Variants in ZNF775 observed in about 807,000 individuals in gnomAD.
ZNF775 encodes the protein zinc finger protein 775.
In ZNF775, 1 loss-of-function variant was observed where a neutral mutation model predicts 2.4. The observed-to-expected ratio is 0.41, with a 90% confidence interval of 0.15 to 1.94. ZNF775 has a LOEUF of 1.94. Ranked by LOEUF, ZNF775 falls within the 30% of genes most tolerant of loss-of-function variation. The pLI is 0.30. For missense variants in ZNF775, 823 were observed against 826.6 expected, an observed-to-expected ratio of 1.00 and a Z score of 0.05; for synonymous variants, 381 against 373.3, an observed-to-expected ratio of 1.02 and a Z score of -0.24.
Position 150,382,192 on chromosome 7 carries a change from G to A in ZNF775, c.-50+2800G>A, listed in dbSNP as rs1225562932. Reference sequence around the variant, plus strand: ...GTGGAGGCTCCTGTGTGGCGCTGGGGGCCTCTGAGATTCCCAACTGGCTGG... The same window carrying A: ...GTGGAGGCTCCTGTGTGGCGCTGGGAGCCTCTGAGATTCCCAACTGGCTGG... On this transcript the variant is annotated intron_variant, in intron 1 of 2. Transcript: ENST00000329630. This position sits in a 1 kb window ranked among gnomAD's most constrained non-coding sequence, Gnocchi z 4.6. Among the ~76,000 whole-genome samples, 3 of 152,164 alleles carry A rather than the reference G, an allele frequency of 2.0e-5. No homozygotes were observed. The highest frequency in any genetic ancestry group is 4.4e-5 in the Non-Finnish European group (3 of 68,030).
Position 150,391,280 on chromosome 7 carries a change from G to T in ZNF775, c.31+2779G>T, listed in dbSNP as rs543377455. ...CCCAGCACTTTGGGAGGCCCAGTTC[G>T]GTGGATCACCTGAGGTCAGGAGTTT... On this transcript the variant is annotated intron_variant, in intron 2 of 2. Transcript: ENST00000329630. Among the ~76,000 whole-genome samples, 4 of 152,282 alleles carry T rather than the reference G, an allele frequency of 2.6e-5. No individual in the cohort carries two copies. In the East Asian group the frequency reaches 7.7e-4, roughly 29 times the overall value.
chr7:150,396,928 C>A lies in ZNF775; in HGVS notation c.447C>A (p.Asn149Lys). The A allele has an allele frequency of 3.7e-6, 6 of 1,601,770 alleles. No homozygotes were observed. The highest frequency in any genetic ancestry group is 4.2e-6 in the Non-Finnish European group (5 of 1,179,654). The change falls in exon 3 of 3, where the codon AAC (asparagine) becomes AAA (lysine). Residue 149 changes from asparagine to lysine, a missense_variant. Coordinates refer to ENST00000329630, the MANE Select transcript of ZNF775 (RefSeq NM_173680.4). ...GCAAGAGCTTCAGCCAGAAGCCGAA[C>A]CTGGCGCGCCACCAGCGGCACCACA... The part of the protein sequence containing the change: ...KCGKSFSQKP[N>K]LARHQRHHTG...
Position 150,388,504 on chromosome 7 carries a change from A to C in ZNF775, c.31+3A>C. 1 of 1,551,770 alleles carries C rather than the reference A, an allele frequency of 6.4e-7. No homozygotes were observed. Among genetic ancestry groups the C allele is most frequent in the Non-Finnish European group, 8.7e-7 (1 of 1,147,030 alleles). On this transcript the variant is annotated splice_donor_region_variant and intron_variant, in intron 2 of 2. Coordinates refer to ENST00000329630, the MANE Select transcript of ZNF775 (RefSeq NM_173680.4). ...TGGCCTGGCTGGCAACGGCACAGGT[A>C]AGAGAGAAGAAAGAGGAGGCAGGGG...
At chr7:150,389,730 T>C (rs1360119347) in intron 2 of ZNF775, among the ~76,000 whole-genome samples, 1 of 152,142 alleles carries the variant, frequency 6.6e-6, no homozygotes, top group Non-Finnish European at 1.5e-5. Flanking sequence ...AACACTAGCC[T>C]AGACTCCTGG....
chr7:150,397,913 G>A lies in ZNF775; in HGVS notation c.1432G>A (p.Glu478Lys). ...HTGERPYPCP[E>K]CGRRFSQKPN... ...GGGTGAGCGGCCCTACCCGTGCCCC[G>A]AGTGCGGCCGCCGCTTCAGCCAGAA... Residue 478 changes from glutamate to lysine, a missense_variant, in exon 3 of 3, where the codon GAG (glutamate) becomes AAG (lysine). Transcript: ENST00000329630. The A allele has an allele frequency of 6.2e-7, 1 of 1,601,264 alleles. No homozygotes were observed. The highest frequency in any genetic ancestry group is 8.5e-7 in the Non-Finnish European group (1 of 1,178,358).
intron 2 of ZNF775, among the ~76,000 whole-genome samples, chr7:150,392,504 C>A (rs1055168253): frequency 6.6e-6 from 1 of 151,698 alleles, no homozygotes; most frequent in Non-Finnish European, 1.5e-5. Context: ...ACAACTGTGT[C>A]AGTCAAGAGT....
chr7:150,396,640 A>T lies in ZNF775; in HGVS notation c.159A>T (p.Pro53=), dbSNP rs758633916. Residue 53 remains proline (P), a synonymous_variant, in exon 3 of 3, where the codon CCA becomes CCT. Coordinates refer to ENST00000329630, the MANE Select transcript of ZNF775 (RefSeq NM_173680.4). ...TTCAGCAGCACCGGGGCCTCCCGCC[A>T]CGCCAGACCATGGGGCGGCCTCGAG... ...NIFQQHRGLP[P]RQTMGRPRAL... The T allele has an allele frequency of 2.7e-5, 43 of 1,611,736 alleles. No homozygotes were observed. Among genetic ancestry groups the T allele is most frequent in the Non-Finnish European group, 3.3e-5 (39 of 1,179,728 alleles).
intron 2 of ZNF775, among the ~76,000 whole-genome samples, chr7:150,394,433 G>A (rs186423665): frequency 3.9e-5 from 6 of 152,184 alleles, no homozygotes; most frequent in East Asian, 1.9e-4. Flanking sequence ...ATGTTGATGC[G>A]TTTCTCTTTG....
chr7:150,381,249 A>T (rs1800356469), intron 1 of ZNF775, among the ~76,000 whole-genome samples: 1 of 152,060 alleles, frequency 6.6e-6, no homozygotes, highest in South Asian at 2.1e-4. Flanking sequence ...TGGCCGGTGA[A>T]GGAAGTCTTG....
At position 150,397,121 on chromosome 7, in the gene ZNF775, G is replaced by A; in HGVS notation, c.640G>A (p.Ala214Thr). The A allele has an allele frequency of 1.3e-6, 2 of 1,515,958 alleles. No individual in the cohort carries two copies. The highest frequency in any genetic ancestry group is 1.2e-5 in the South Asian group (1 of 82,514). The allele number at this position is 1,515,958 out of a possible 1,614,324, so 93.9% of individuals were successfully genotyped here. A position where few individuals can be genotyped will look rare whatever the true frequency, so the allele number is the denominator to read the frequency against. Residue 214 changes from alanine to threonine, a missense_variant, in exon 3 of 3, where the codon GCC (alanine) becomes ACC (threonine). Coordinates refer to ENST00000329630, the MANE Select transcript of ZNF775 (RefSeq NM_173680.4). ...CCTCCGCATCCACCAGCGCGCGCAC[G>A]CCCGGGACCGCCAGGGCTCCCGCGC... Reference protein sequence around the residue: ...VGLRIHQRAHARDRQGSRAGL... With the variant: ...VGLRIHQRAHTRDRQGSRAGL...
rs1234652894 is a variant in ZNF775, at chr7:150,384,816, GGCCTGCTACT to G, written c.-49-3605_-49-3596del. Among the ~76,000 whole-genome samples, 1 of 152,174 alleles carries G rather than the reference GGCCTGCTACT, an allele frequency of 6.6e-6. No homozygotes were observed. Among genetic ancestry groups the G allele is most frequent in the African/African-American group, 2.4e-5 (1 of 41,440 alleles). On this transcript the variant is annotated intron_variant, in intron 1 of 2. Coordinates refer to ENST00000329630, the MANE Select transcript of ZNF775 (RefSeq NM_173680.4). The surrounding 1 kb of genome is among the most constrained non-coding windows in gnomAD (Gnocchi z 4.1). ...CTCTGGGAGGTCCCGGACAGTGGAAGGCCTGCTACTACCTGGAGTGGCTGTTAGGTCCTAA... is the reference window on the plus strand; with the variant it reads ...CTCTGGGAGGTCCCGGACAGTGGAAGACCTGGAGTGGCTGTTAGGTCCTAA...
chr7:150,397,428 G>T lies in ZNF775; in HGVS notation c.947G>T (p.Arg316Leu). The T allele has an allele frequency of 6.3e-7, 1 of 1,595,552 alleles. No homozygotes were observed. The part of the protein sequence containing the change: ...ERPYACPECG[R>L]RFSQKPNLTR... ...CCCTATGCGTGCCCCGAGTGCGGCC[G>T]CCGCTTCAGCCAGAAGCCCAACTTG... The change falls in exon 3 of 3, where the codon CGC becomes CTC. Residue 316 changes from arginine (R) to leucine (L), a missense_variant. Arg to Leu is a moderately radical substitution (Grantham distance 102, BLOSUM62 -2). Transcript: ENST00000329630.
At position 150,397,225 on chromosome 7, in the gene ZNF775, C is replaced by T. The variant is rs1240093068; in HGVS notation, c.744C>T (p.Pro248=). Residue 248 remains proline, a synonymous_variant, in exon 3 of 3, where the codon CCC becomes CCT. Transcript: ENST00000329630. ...RLQPGPPRGR[P]EWAWLGLCQG... ...AGCCGGGGCCGCCGCGGGGGCGCCC[C>T]GAGTGGGCCTGGCTGGGGCTCTGCC... is the stretch of plus-strand genomic sequence containing the variant. 2 of 1,129,212 alleles carry T rather than the reference C, an allele frequency of 1.8e-6. No individual in the cohort carries two copies. Among genetic ancestry groups the T allele is most frequent in the Non-Finnish European group, 2.2e-6 (2 of 923,074 alleles). 69.9% of individuals were successfully genotyped at this position (1,129,212 alleles called of 1,614,324 possible). A position where few individuals can be genotyped will look rare whatever the true frequency, so the allele number is the denominator to read the frequency against.
intron 2 of ZNF775, among the ~76,000 whole-genome samples, chr7:150,392,880 A>C (rs1168057749): frequency 6.6e-6 from 1 of 152,214 alleles, no homozygotes; most frequent in Non-Finnish European, 1.5e-5. Flanking sequence ...AAAAATTGTG[A>C]AGAAAGTAGA....
At chr7:150,389,907 GTGTGTGTGTGTGTT>G (rs1800530474) in intron 2 of ZNF775, among the ~76,000 whole-genome samples, 1 of 3,290 alleles carries the variant, frequency 3.0e-4, no homozygotes, top group Admixed American at 3.7e-3. Flanking sequence ...GTGTGTGTGT[GTGTGTGTGTGTGTT>G]ATGGCAAAAT....
chr7:150,386,620 A>G (rs1211325415), intron 1 of ZNF775, among the ~76,000 whole-genome samples: 2 of 151,714 alleles, frequency 1.3e-5, no homozygotes, highest in Non-Finnish European at 2.9e-5. Context: ...GGAGGGGCTG[A>G]CTGAAATCTG....
At chr7:150,389,502 G>A (rs1800519183) in intron 2 of ZNF775, among the ~76,000 whole-genome samples, 1 of 152,258 alleles carries the variant, frequency 6.6e-6, no homozygotes, top group African/African-American at 2.4e-5. Flanking sequence ...GGTGGCAGGA[G>A]CACCCTAGCT....
chr7:150,393,895 C>T (rs576272058), intron 2 of ZNF775, among the ~76,000 whole-genome samples: 1 of 152,314 alleles, frequency 6.6e-6, no homozygotes, highest in Admixed American at 6.5e-5. Context: ...GTCTTGAACT[C>T]CTAACCTCAG....
Position 150,387,682 on chromosome 7 carries a change from G to A in ZNF775, c.-49-740G>A, listed in dbSNP as rs996362685. Among the ~76,000 whole-genome samples the A allele has an allele frequency of 4.6e-5, 7 of 152,032 alleles. 1 individual carries two copies. Among genetic ancestry groups the A allele is most frequent in the Non-Finnish European group, 8.8e-5 (6 of 68,016 alleles). On this transcript the variant is annotated intron_variant, in intron 1 of 2. Transcript: ENST00000329630. ...CAAAAAAATAGCCAGGCGTGGTGGC[G>A]GGCGCCTGTAGTCCCAGTTACTCAG...
Sources: allele counts gnomAD v4.1 joint callset (sites outside exome capture counted in the v4.1 genomes callset), GRCh38; gene constraint gnomAD v4.1.1; non-coding constraint Gnocchi (gnomAD v3.1); transcripts MANE v1.5; gene names NCBI Gene and HGNC (gene_info 2026-07-23, HGNC 2026-07-21).